Variants in ALPK2 observed in about 807,000 individuals in gnomAD.
ALPK2 encodes the protein alpha-protein kinase 2.
Under a neutral mutation model 163.1 loss-of-function variants are expected in ALPK2, and 127 were observed. The observed-to-expected ratio is 0.78, with a 90% confidence interval of 0.67 to 0.90. ALPK2 has a LOEUF of 0.90. ALPK2 is among the 40% of genes least tolerant of loss of function. The pLI is 0.00. For synonymous variants in ALPK2, 953 were observed against 959.1 expected, an observed-to-expected ratio of 0.99 and a Z score of 0.12; for missense variants, 2,360 against 2,589.6, an observed-to-expected ratio of 0.91 and a Z score of 1.92.
At position 58,497,206 on chromosome 18, in the gene ALPK2, C is replaced by T. The variant is rs115573641; in HGVS notation, c.6296+843G>A. Among the ~76,000 whole-genome samples, 1,114 of 152,320 alleles carry T rather than the reference C, an allele frequency of 7.3e-3. 16 individuals are homozygous for T. The highest frequency in any genetic ancestry group is 0.025 in the African/African-American group (1,053 of 41,562). On this transcript the variant is annotated intron_variant, in intron 12 of 12. Transcript: ENST00000361673. The stretch of plus-strand genomic sequence containing the variant: ...ACTATCTCCTGATCTGTTGACCTTA[C>T]GATACCTCATACTAATAAAACCTAC...
rs752653050 is a variant in ALPK2, at chr18:58,579,101, C to CT, written c.1674dup (p.Glu559ArgfsTer14). 5 of 1,614,100 alleles carry CT rather than the reference C, an allele frequency of 3.1e-6. No homozygotes were observed. In the African/African-American group the frequency reaches 6.7e-5, roughly 22 times the overall value. ...GCAGAGCAGAGATGAAGGGTACCTT[C>CT]TGTTGTACTTTCTCTCAGGTTGGCA... On this transcript the variant is annotated frameshift_variant, in exon 4 of 13. Transcript: ENST00000361673. LOFTEE classifies it high-confidence loss of function.
chr18:58,553,137 T>C (rs1447452601), intron 4 of ALPK2, among the ~76,000 whole-genome samples: 1 of 152,190 alleles, frequency 6.6e-6, no homozygotes, highest in Non-Finnish European at 1.5e-5. Flanking sequence ...ATGGGATGGC[T>C]TCTCTCTCAG....
At chr18:58,550,932 TACATACAATCCCATCCCCACCTCCATC>T (rs2051756218) in intron 4 of ALPK2, among the ~76,000 whole-genome samples, 84 of 67,604 alleles carry the variant, frequency 1.2e-3, no homozygotes, top group Non-Finnish European at 2.1e-3. Flanking sequence ...CCACCTCCAT[TACATACAATCCCATCCCCACCTCCATC>T]ACATACAACC....
chr18:58,588,293 T>A (rs368867673), intron 3 of ALPK2, among the ~76,000 whole-genome samples: 6 of 152,360 alleles, frequency 3.9e-5, no homozygotes, highest in African/African-American at 1.4e-4. Flanking sequence ...TGGCAACTAA[T>A]ACGGTTCGGG....
At chr18:58,583,215 G>C (rs1038453096) in intron 3 of ALPK2, among the ~76,000 whole-genome samples, 1 of 152,140 alleles carries the variant, frequency 6.6e-6, no homozygotes, top group Non-Finnish European at 1.5e-5. Context: ...ACCAGAATCA[G>C]GTTGGAGTTG....
At chr18:58,489,462 G>A (rs1416369714) in intron 12 of ALPK2, among the ~76,000 whole-genome samples, 1 of 151,986 alleles carries the variant, frequency 6.6e-6, no homozygotes, top group Non-Finnish European at 1.5e-5. Context: ...AGGGTGAGAG[G>A]ACTGCTTGAA....
At chr18:58,565,184 C>T (rs1162097933) in intron 4 of ALPK2, among the ~76,000 whole-genome samples, 2 of 152,092 alleles carry the variant, frequency 1.3e-5, no homozygotes, top group East Asian at 1.9e-4. Context: ...TCCTTAGAAA[C>T]GTTTCCTTAG....
intron 11 of ALPK2, among the ~76,000 whole-genome samples, chr18:58,499,257 T>C (rs2051419015): frequency 6.6e-6 from 1 of 152,130 alleles, no homozygotes; most frequent in African/African-American, 2.4e-5. Context: ...TGCAAGCATA[T>C]GGAACCCTTT....
chr18:58,509,969 T>G (rs1448759470), intron 10 of ALPK2, among the ~76,000 whole-genome samples: 10 of 152,250 alleles, frequency 6.6e-5, no homozygotes, highest in Admixed American at 6.5e-4. Flanking sequence ...CATGCCTATG[T>G]CCTGAATGGT....
intron 12 of ALPK2, among the ~76,000 whole-genome samples, chr18:58,483,355 A>T (rs747389816): frequency 1.1e-4 from 17 of 152,130 alleles, no homozygotes; most frequent in Non-Finnish European, 2.4e-4. Context: ...TAAAACGAAG[A>T]CAAAATTCCT....
intron 8 of ALPK2, among the ~76,000 whole-genome samples, chr18:58,519,930 C>A (rs1431972796): frequency 6.6e-6 from 1 of 152,182 alleles, no homozygotes; most frequent in Non-Finnish European, 1.5e-5. Context: ...TCCTTTAGAC[C>A]AATCTCTTCC....
intron 3 of ALPK2, among the ~76,000 whole-genome samples, chr18:58,586,993 C>G (rs951913852): frequency 5.3e-5 from 8 of 152,068 alleles, no homozygotes; most frequent in Non-Finnish European, 1.2e-4. Context: ...TACGAAAGAC[C>G]TGAGAAAATT....
intron 5 of ALPK2, among the ~76,000 whole-genome samples, chr18:58,534,054 A>C (rs1256402883): frequency 1.3e-5 from 2 of 152,182 alleles, no homozygotes; most frequent in African/African-American, 2.4e-5. Context: ...GAGAAAGAAG[A>C]GCTCTGAAAT....
intron 4 of ALPK2, among the ~76,000 whole-genome samples, chr18:58,573,823 A>G (rs968160062): frequency 6.6e-6 from 1 of 151,886 alleles, no homozygotes; most frequent in African/African-American, 2.4e-5. Flanking sequence ...AAGAAATTGT[A>G]GTTAGGGATG....
chr18:58,499,413 T>C (rs2051420085), intron 11 of ALPK2, among the ~76,000 whole-genome samples: 1 of 152,156 alleles, frequency 6.6e-6, no homozygotes, highest in African/African-American at 2.4e-5. Context: ...CCACCCTCTC[T>C]CACTCTACCC....
intron 12 of ALPK2, among the ~76,000 whole-genome samples, chr18:58,495,482 T>C (rs916355746): frequency 3.9e-5 from 6 of 152,122 alleles, no homozygotes; most frequent in African/African-American, 1.4e-4. Flanking sequence ...GCCAGATAAG[T>C]CACATTAAAG....
intron 1 of ALPK2, among the ~76,000 whole-genome samples, chr18:58,624,467 T>G (rs1218070749): frequency 8.3e-6 from 1 of 120,396 alleles, no homozygotes; most frequent in East Asian, 2.5e-4. Flanking sequence ...TTTTTTTTTC[T>G]TTTTGAGACA....
chr18:58,504,935 C>A (rs1037957015), intron 10 of ALPK2, among the ~76,000 whole-genome samples: 1 of 152,114 alleles, frequency 6.6e-6, no homozygotes, highest in African/African-American at 2.4e-5. Flanking sequence ...AGGAGCAGCA[C>A]TCCTGGCGTG....
At chr18:58,498,337 T>G (rs1465410766) in intron 11 of ALPK2, among the ~76,000 whole-genome samples, 1 of 152,096 alleles carries the variant, frequency 6.6e-6, no homozygotes, top group Non-Finnish European at 1.5e-5. Flanking sequence ...GCTCTGGAAA[T>G]GAAGTCCTCT....
Sources: gnomAD v4.1 joint callset for allele counts (sites outside exome capture counted in the v4.1 genomes callset) on GRCh38, gnomAD v4.1.1 for gene constraint, MANE v1.5 for transcripts, NCBI Gene and HGNC (gene_info 2026-07-23, HGNC 2026-07-21) for gene names.